Variants in NTRK1 observed in about 807,000 individuals in gnomAD.
NTRK1 encodes the protein neurotrophic receptor tyrosine kinase 1, also known as high affinity nerve growth factor receptor.
In NTRK1, 62 loss-of-function variants were observed where a neutral mutation model predicts 86.8. That is an observed-to-expected ratio of 0.71 (90% CI 0.58 to 0.88). The LOEUF (loss-of-function observed/expected upper bound fraction) is 0.88. NTRK1 is among the 40% of genes least tolerant of loss of function. The pLI, the probability that NTRK1 is intolerant of heterozygous loss-of-function variation, is 0.00. For missense variants in NTRK1, 967 were observed against 1,078.4 expected (o/e 0.90, Z 1.45); for synonymous variants, 469 against 456.6 (o/e 1.03, Z -0.35).
In NTRK1 at chr1:156,823,947, C is replaced by T. The variant is rs140881714; in HGVS notation, c.-64+8109C>T. On this transcript the variant is annotated intron_variant, in intron 1 of 16. Transcript: ENST00000392302. ...GCATAATTTGCGTCCCAAAGATCTGCACCCTGTGTGCACACTTCCATAGGC... is the reference window on the plus strand; with the variant it reads ...GCATAATTTGCGTCCCAAAGATCTGTACCCTGTGTGCACACTTCCATAGGC... Among the ~76,000 whole-genome samples the T allele has an allele frequency of 1.8e-3, 267 of 152,312 alleles. 1 individual carries two copies. The highest frequency in any genetic ancestry group is 5.2e-3 in the African/African-American group (218 of 41,564).
At chr1:156,826,527 G>A (rs1654321296) in intron 1 of NTRK1, among the ~76,000 whole-genome samples, 1 of 151,906 alleles carries the variant, frequency 6.6e-6, no homozygotes, top group Non-Finnish European at 1.5e-5. Flanking sequence ...CTGACCTCGT[G>A]ATCCGCCCGC....
chr1:156,861,091 G>C lies in NTRK1; in HGVS notation c.157G>C (p.Asp53His), dbSNP rs200815412. Reference protein sequence around the residue: ...HGSSGLRCTRDGALDSLHHLP... With the variant: ...HGSSGLRCTRHGALDSLHHLP... ...CTCCTCGGGACTGCGATGCACCCGG[G>C]ATGGGGCCCTGGATAGCCTCCACCA... The change falls in exon 1 of 17, where the codon GAT becomes CAT. Residue 53 changes from aspartate to histidine, a missense_variant. Asp to His is a moderately conservative substitution (Grantham distance 81). Coordinates refer to ENST00000524377, the MANE Select transcript of NTRK1 (RefSeq NM_002529.4). 520 of 1,584,260 alleles carry C rather than the reference G, an allele frequency of 3.3e-4. 2 individuals are homozygous for C. In the African/African-American group the frequency reaches 5.5e-3, roughly 17 times the overall value.
chr1:156,868,407 C>A, intron 5 of NTRK1, 98 bp from the exon 6 acceptor site: 1 of 1,538,782 alleles, frequency 6.5e-7, no homozygotes, highest in South Asian at 1.2e-5. Flanking sequence ...GGCTCCAGGT[C>A]ATTGAGGAGG....
chr1:156,845,207 C>T, intron 2 of NTRK1: 1 of 1,609,642 alleles, frequency 6.2e-7, no homozygotes, highest in Non-Finnish European at 8.5e-7. Flanking sequence ...CGCTCGCTCA[C>T]GGGGCACCTT....
In NTRK1 at chr1:156,854,166, G is replaced by A. The variant is rs370858414; in HGVS notation, c.51-10188G>A. The A allele has an allele frequency of 1.9e-4, 314 of 1,614,008 alleles. No individual in the cohort carries two copies. The highest frequency in any genetic ancestry group is 3.2e-4 in the Admixed American group (19 of 60,010). On this transcript the variant is annotated intron_variant, in intron 2 of 16. Transcript: ENST00000392302. The surrounding 1 kb of genome is among the most constrained non-coding windows in gnomAD (Gnocchi z 4.2). ...AGGTAGTCGGTGACCTGGGTGAGGCGAGGGAAGCTGAGGCCGCGGAAGTCC... is the reference window on the plus strand; with the variant it reads ...AGGTAGTCGGTGACCTGGGTGAGGCAAGGGAAGCTGAGGCCGCGGAAGTCC...
intron 8 of NTRK1, 160 bp from the exon 9 acceptor site, chr1:156,874,223 C>G (rs542825364): frequency 4.4e-6 from 5 of 1,145,766 alleles, no homozygotes; most frequent in African/African-American, 3.0e-5. Flanking sequence ...AAAAGGGTCA[C>G]ATGCATCTTC....
At chr1:156,874,158 C>T (rs1571696539) in intron 8 of NTRK1, 199 bp downstream of exon 8, 1 of 889,378 alleles carries the variant, frequency 1.1e-6, no homozygotes, top group East Asian at 2.6e-5. Context: ...GCTATTCCGT[C>T]CTTGTCGGCT....
chr1:156,866,326 C>T (rs2102888656), intron 3 of NTRK1, among the ~76,000 whole-genome samples: 1 of 152,320 alleles, frequency 6.6e-6, no homozygotes, highest in Non-Finnish European at 1.5e-5. Context: ...TGGAGCCGGG[C>T]CCCTGCTGGG....
intron 2 of NTRK1, chr1:156,851,574 C>T: frequency 6.2e-7 from 1 of 1,611,140 alleles, no homozygotes; most frequent in Non-Finnish European, 8.5e-7. Context: ...TGAGTTGGGT[C>T]ATTGTAAGGG....
rs1654788262 is a variant in NTRK1 at position 156,841,630 on chromosome 1, C to T, written c.-63-451C>T. Reference sequence around the variant, plus strand: ...GGCCCCTCCCCAGATCCCGCCTCCACATCCCTGGAGCCCTGTGCTCCAGCT... The same window carrying T: ...GGCCCCTCCCCAGATCCCGCCTCCATATCCCTGGAGCCCTGTGCTCCAGCT... On this transcript the variant is annotated intron_variant, in intron 1 of 16. Coordinates refer to the NTRK1 transcript ENST00000392302. 4 of 1,610,510 alleles carry T rather than the reference C, an allele frequency of 2.5e-6. No individual in the cohort carries two copies. In the East Asian group the frequency reaches 8.9e-5, roughly 36 times the overall value.
At chr1:156,848,065 G>A (rs1485342485) in intron 2 of NTRK1, among the ~76,000 whole-genome samples, 2 of 152,162 alleles carry the variant, frequency 1.3e-5, no homozygotes, top group African/African-American at 4.8e-5. Flanking sequence ...ATCAGAATCA[G>A]TGGGGGGCGA....
At chr1:156,871,805 C>T (rs1305416049) in intron 7 of NTRK1, 50 bp downstream of exon 7, 3 of 1,612,804 alleles carry the variant, frequency 1.9e-6, no homozygotes, top group Non-Finnish European at 2.5e-6. Flanking sequence ...ATCTCTTCTT[C>T]CCTCAAAAGA....
chr1:156,841,233 T>C, intron 1 of NTRK1: 1 of 956,254 alleles, frequency 1.0e-6, no homozygotes, highest in Non-Finnish European at 1.6e-6. Context: ...TGAGAAGGGA[T>C]TAAATGGGAG....
At chr1:156,848,813 C>T in intron 2 of NTRK1, 1 of 1,374,068 alleles carries the variant, frequency 7.3e-7, no homozygotes, top group South Asian at 1.4e-5. Context: ...GTCCTGGCTT[C>T]CTGGGTCTTC....
chr1:156,837,425 T>A (rs140717903), intron 1 of NTRK1, among the ~76,000 whole-genome samples: 1 of 152,354 alleles, frequency 6.6e-6, no homozygotes, highest in African/African-American at 2.4e-5. Flanking sequence ...ACCCTAGTGA[T>A]CACTTACTAG....
At chr1:156,856,162 T>C (rs1655400010), upstream of NTRK1, among the ~76,000 whole-genome samples, 1 of 152,176 alleles carries the variant, frequency 6.6e-6, no homozygotes, top group Admixed American at 6.5e-5. Flanking sequence ...AACATAGATA[T>C]TTATTTATAG....
chr1:156,866,796 G>T, intron 3 of NTRK1, 114 bp from the exon 4 acceptor site: 2 of 1,142,822 alleles, frequency 1.8e-6, no homozygotes, highest in Non-Finnish European at 2.7e-6. Context: ...TGCCTAGGCC[G>T]GGGCGGGGGA....
In NTRK1 at chr1:156,841,109, T is replaced by C. The variant is rs373122172; in HGVS notation, c.-63-972T>C. ...CAGCGGCTCATCAGCTCCTGCCTGG[T>C]GGGTGTGGGGAGCAGGGTCAGAGGC... On this transcript the variant is annotated intron_variant, in intron 1 of 16. Transcript: ENST00000392302. 6.6e-4 allele frequency: 1,021 copies of C among 1,553,406 alleles called. 7 individuals are homozygous for C. In the African/African-American group the frequency reaches 0.012, roughly 19 times the overall value.
At chr1:156,828,687 C>A (rs1397869181) in intron 1 of NTRK1, among the ~76,000 whole-genome samples, 1 of 152,222 alleles carries the variant, frequency 6.6e-6, no homozygotes, top group African/African-American at 2.4e-5. Flanking sequence ...GACTGTGAAG[C>A]AATGGAAGGA....
Sources: gnomAD v4.1 joint callset for allele counts (sites outside exome capture counted in the v4.1 genomes callset) on GRCh38, gnomAD v4.1.1 for gene constraint, Gnocchi (gnomAD v3.1) non-coding constraint, MANE v1.5 for transcripts, NCBI Gene and HGNC (gene_info 2026-07-23, HGNC 2026-07-21) for gene names.